PLEKHM1: variants seen among roughly 807,000 people sequenced by gnomAD.
PLEKHM1 encodes pleckstrin homology and RUN domain containing M1.
PLEKHM1 carries 28 observed loss-of-function variants against 94.3 expected under a neutral mutation model. The ratio of observed to expected loss-of-function variants is 0.30; its 90% CI spans 0.22 to 0.41. The LOEUF is 0.41. Ranked by LOEUF, PLEKHM1 falls within the 10% of genes least tolerant of loss-of-function variation. The pLI, the probability that PLEKHM1 is intolerant of heterozygous loss-of-function variation, is 1.00. For missense variants in PLEKHM1, 907 were observed against 1,358.6 expected (o/e 0.67, Z 5.22); for synonymous variants, 424 against 581.2 (o/e 0.73, Z 3.89).
intron 4 of PLEKHM1, among the ~76,000 whole-genome samples, chr17:45,474,752 C>A (rs897570757): frequency 6.6e-6 from 1 of 152,198 alleles, no homozygotes; most frequent in Admixed American, 6.5e-5. Context: ...AGGCTGGCCT[C>A]GAACTGCTGG....
chr17:45,489,538 A>C (rs2052239985), intron 1 of PLEKHM1, among the ~76,000 whole-genome samples: 2 of 152,322 alleles, frequency 1.3e-5, no homozygotes, highest in East Asian at 3.9e-4. Context: ...TCCAGCAGCC[A>C]GCACAAGTCA....
chr17:45,476,704 T>A (rs1217892010), intron 3 of PLEKHM1, among the ~76,000 whole-genome samples: 2 of 152,074 alleles, frequency 1.3e-5, no homozygotes, highest in Non-Finnish European at 2.9e-5. Context: ...TCATGCAGAC[T>A]GCAGGGTAGA....
intron 4 of PLEKHM1, among the ~76,000 whole-genome samples, chr17:45,472,358 C>A (rs1228717846): frequency 1.3e-5 from 2 of 152,174 alleles, no homozygotes; most frequent in Non-Finnish European, 2.9e-5. Context: ...CCTTGACCCT[C>A]CAGTTTCCCC....
intron 5 of PLEKHM1, among the ~76,000 whole-genome samples, chr17:45,465,402 C>G (rs1287140310): frequency 6.6e-6 from 1 of 151,918 alleles, no homozygotes; most frequent in East Asian, 1.9e-4. Flanking sequence ...AAAGAAGGAA[C>G]AGCAAATGTA....
chr17:45,460,167 G>A (rs574386739), intron 5 of PLEKHM1: 1 of 152,310 alleles, frequency 6.6e-6, no homozygotes, highest in Admixed American at 6.5e-5. Context: ...GAATGCAAAC[G>A]AGCACCTGCA....
chr17:45,456,594 A>G (rs2050956080), intron 6 of PLEKHM1, among the ~76,000 whole-genome samples: 1 of 152,348 alleles, frequency 6.6e-6, no homozygotes, highest in Middle Eastern at 3.4e-3. Flanking sequence ...TAGAGACCAC[A>G]GCCATCACAC....
intron 4 of PLEKHM1, among the ~76,000 whole-genome samples, chr17:45,471,891 C>T (rs1366067096): frequency 6.6e-6 from 1 of 152,072 alleles, no homozygotes; most frequent in Non-Finnish European, 1.5e-5. Flanking sequence ...ACCTATGCCA[C>T]TCAGTGATGA....
At chr17:45,440,399 G>A (rs751320157) in intron 9 of PLEKHM1, 173 bp from the exon 10 acceptor site, 13 of 685,638 alleles carry the variant, frequency 1.9e-5, no homozygotes, top group East Asian at 1.1e-4. Context: ...GGTCTTCAAC[G>A]TAACTAACTA....
intron 2 of PLEKHM1, among the ~76,000 whole-genome samples, chr17:45,479,410 C>T (rs561864766): frequency 5.8e-4 from 88 of 151,550 alleles, no homozygotes; most frequent in Middle Eastern, 6.8e-3. Context: ...CCCAGCTACG[C>T]GGGAGGCTGA....
At chr17:45,440,462 T>C (rs955070046) in intron 9 of PLEKHM1, 2 of 606,134 alleles carry the variant, frequency 3.3e-6, no homozygotes, top group Admixed American at 5.8e-5. Flanking sequence ...TGGGTTTCCC[T>C]CTCTGGGAAA....
chr17:45,489,269 G>A lies in PLEKHM1; in HGVS notation c.-42+1383C>T, dbSNP rs556003047. 2.0e-5 allele frequency among the ~76,000 whole-genome samples: 3 copies of A among 152,308 alleles called. No individual in the cohort carries two copies. In the South Asian group the frequency reaches 6.2e-4, roughly 32 times the overall value. On this transcript the variant is annotated intron_variant, in intron 1 of 11. Coordinates refer to ENST00000430334, the MANE Select transcript of PLEKHM1 (RefSeq NM_014798.3). ...CTTCACAACAGGTAACGTTGCCTCT[G>A]GCACCCATCATATCCCCTGAATTCA...
chr17:45,461,361 G>A (rs931372336), intron 5 of PLEKHM1, among the ~76,000 whole-genome samples: 4 of 152,196 alleles, frequency 2.6e-5, no homozygotes, highest in African/African-American at 9.7e-5. Context: ...CGGATGGTGT[G>A]CCCTCTGGAG....
Position 45,458,440 on chromosome 17 carries a change from C to G in PLEKHM1, c.1309-1G>C. 6.2e-7 allele frequency: 1 copy of G among 1,612,002 alleles called. No individual in the cohort carries two copies. The highest frequency in any genetic ancestry group is 8.5e-7 in the Non-Finnish European group (1 of 1,178,146). On this transcript the variant is annotated splice_acceptor_variant, in intron 5 of 11. Coordinates refer to ENST00000430334, the MANE Select transcript of PLEKHM1 (RefSeq NM_014798.3). LOFTEE classifies it high-confidence loss of function. Reference sequence around the variant, plus strand: ...CCTCTGAGATCCAGCTCTTGTTTTTCTGTTGGGAAAGAAGACAACAGTTGT... The same window carrying G: ...CCTCTGAGATCCAGCTCTTGTTTTTGTGTTGGGAAAGAAGACAACAGTTGT...
At chr17:45,478,357 A>G (rs898751834) in intron 2 of PLEKHM1, among the ~76,000 whole-genome samples, 8 of 152,242 alleles carry the variant, frequency 5.3e-5, no homozygotes, top group African/African-American at 1.9e-4. Flanking sequence ...AATCACACAC[A>G]CTACCCAGAG....
intron 9 of PLEKHM1, among the ~76,000 whole-genome samples, chr17:45,443,580 C>G (rs1439088519): frequency 6.6e-6 from 1 of 152,172 alleles, no homozygotes; most frequent in African/African-American, 2.4e-5. Context: ...CCCACAGAGA[C>G]AGGTCTGTAA....
In PLEKHM1 at chr17:45,478,024, A is replaced by C; in HGVS notation, c.172T>G (p.Phe58Val). The change falls in exon 3 of 12, where the codon TTT (phenylalanine) becomes GTT (valine). Residue 58 changes from phenylalanine (F) to valine (V), a missense_variant. Phe to Val is a conservative substitution (Grantham distance 50). This residue lies in a region of PLEKHM1 where 176 missense variants were observed against 306.0 expected (regional missense o/e 0.58). Transcript: ENST00000430334. ...NTMCSALEAV[F>V]IHGLHAKHIR... Reference sequence around the variant, plus strand: ...TGCTTGGCGTGCAGGCCATGGATAAATACGGCCTCCAGGGCGCTGCACATG... The same window carrying C: ...TGCTTGGCGTGCAGGCCATGGATAACTACGGCCTCCAGGGCGCTGCACATG... The C allele has an allele frequency of 6.2e-7, 1 of 1,614,194 alleles. No homozygotes were observed. The highest frequency in any genetic ancestry group is 8.5e-7 in the Non-Finnish European group (1 of 1,180,024).
intron 1 of PLEKHM1, among the ~76,000 whole-genome samples, chr17:45,484,494 C>T (rs1419675903): frequency 3.9e-5 from 6 of 152,208 alleles, no homozygotes; most frequent in Non-Finnish European, 8.8e-5. Context: ...TTTTAATCCA[C>T]CTTACCCTGT....
rs151036182 is a variant in PLEKHM1, at chr17:45,453,673, C to G, written c.2179G>C (p.Gly727Arg). ...NNEKMLSDSH[G>R]VETIRDILPD... The stretch of plus-strand genomic sequence containing the variant: ...AGGATGTCCCGGATGGTCTCCACGC[C>G]GTGGCTGTCACTCAGCATCTTCTCA... Residue 727 changes from glycine (G) to arginine (R), a missense_variant, in exon 7 of 12, where the codon GGC (glycine) becomes CGC (arginine). By Grantham distance (125) the Gly-to-Arg change is moderately radical. Around this residue, in one of 3 missense-constraint regions of PLEKHM1, gnomAD observed 254 missense variants for 451.1 expected, o/e 0.56. Coordinates refer to ENST00000430334, the MANE Select transcript of PLEKHM1 (RefSeq NM_014798.3). This position sits in a 1 kb window ranked among gnomAD's most constrained non-coding sequence, Gnocchi z 4.1. 6.2e-7 allele frequency: 1 copy of G among 1,613,502 alleles called. No individual in the cohort carries two copies. The highest frequency in any genetic ancestry group is 8.5e-7 in the Non-Finnish European group (1 of 1,179,714).
chr17:45,472,984 T>A lies in PLEKHM1; in HGVS notation c.923+2116A>T, dbSNP rs531721386. Among the ~76,000 whole-genome samples the A allele has an allele frequency of 3.9e-5, 6 of 152,190 alleles. No homozygotes were observed. The South Asian group carries it at 1.2e-3, about 32-fold the overall frequency. On this transcript the variant is annotated intron_variant, in intron 4 of 11. Coordinates refer to ENST00000430334, the MANE Select transcript of PLEKHM1 (RefSeq NM_014798.3). ...CTGAAGGAGGCTTTTAATAAGAAGT[T>A]CCCATTTTCCACCTATCAGATGAGC...
Sources: gnomAD v4.1 joint callset for allele counts (sites outside exome capture counted in the v4.1 genomes callset) on GRCh38, gnomAD v4.1.1 for gene constraint, gnomAD v4.1.1 regional missense constraint, Gnocchi (gnomAD v3.1) non-coding constraint, MANE v1.5 for transcripts, NCBI Gene and HGNC (gene_info 2026-07-23, HGNC 2026-07-21) for gene names.